The following STON2 variants were observed in gnomAD, a reference collection of about 807,000 sequenced individuals.
The protein encoded by STON2 is stonin-2.
A neutral mutation model predicts 65.7 loss-of-function variants in STON2; 29 were observed. That is an observed-to-expected ratio of 0.44 (90% CI 0.33 to 0.60). STON2 has a LOEUF of 0.60. STON2 is among the 20% of genes least tolerant of loss of function. The pLI is 0.03. For missense variants in STON2, 1,054 were observed against 1,118.1 expected, an observed-to-expected ratio of 0.94 and a Z score of 0.82; for synonymous variants, 404 against 414.2, an observed-to-expected ratio of 0.98 and a Z score of 0.30.
At chr14:81,330,258 T>C (rs948632859) in intron 4 of STON2, among the ~76,000 whole-genome samples, 6 of 152,014 alleles carry the variant, frequency 3.9e-5, no homozygotes, top group African/African-American at 1.4e-4. Context: ...ATGTGAGAGG[T>C]GCTGGTCTGG....
In STON2 at chr14:81,263,883, T is replaced by C; in HGVS notation, c.*4531A>G. 2.0e-6 allele frequency: 2 copies of C among 985,398 alleles called. No individual in the cohort carries two copies. Among genetic ancestry groups the C allele is most frequent in the Non-Finnish European group, 2.4e-6 (2 of 829,940 alleles). 61.0% of individuals were successfully genotyped at this position (985,398 alleles called of 1,614,324 possible). ...TGTTTTCCCACCACTAAACTTATGGTGAAATATATATCACCTCTGAAATCA... is the reference window on the plus strand; with the variant it reads ...TGTTTTCCCACCACTAAACTTATGGCGAAATATATATCACCTCTGAAATCA... On this transcript the variant is annotated 3_prime_UTR_variant, in exon 8 of 8. Coordinates refer to ENST00000614646, the MANE Select transcript of STON2 (RefSeq NM_001394390.1).
intron 5 of STON2, among the ~76,000 whole-genome samples, chr14:81,304,780 T>C (rs1048105038): frequency 6.6e-6 from 1 of 152,186 alleles, no homozygotes; most frequent in African/African-American, 2.4e-5. Flanking sequence ...AACCCAGGCA[T>C]TGTTACTTTA....
chr14:81,325,179 C>T (rs1340562640), intron 4 of STON2, among the ~76,000 whole-genome samples: 1 of 152,184 alleles, frequency 6.6e-6, no homozygotes. Flanking sequence ...GGCTAGATAC[C>T]TTTCCTTAAA....
intron 5 of STON2, among the ~76,000 whole-genome samples, chr14:81,290,983 C>G (rs999452187): frequency 2.0e-5 from 3 of 152,054 alleles, no homozygotes; most frequent in Non-Finnish European, 2.9e-5. Context: ...TTAGCTCTCA[C>G]AGGAAGAATA....
At chr14:81,331,747 G>A (rs1459602461) in intron 4 of STON2, among the ~76,000 whole-genome samples, 2 of 152,206 alleles carry the variant, frequency 1.3e-5, no homozygotes, top group Admixed American at 6.5e-5. Flanking sequence ...TCTCCATGCA[G>A]AGCAGCTAAT....
At chr14:81,290,842 G>A (rs1046523034) in intron 5 of STON2, among the ~76,000 whole-genome samples, 4 of 152,170 alleles carry the variant, frequency 2.6e-5, no homozygotes, top group African/African-American at 9.7e-5. Context: ...CAAGATCAAA[G>A]GGGACATCCT....
In STON2 at chr14:81,387,949, C is replaced by CTTTT. The variant is rs369887955; in HGVS notation, c.373+7941_373+7944dup. 6.8e-5 allele frequency among the ~76,000 whole-genome samples: 7 copies of CTTTT among 102,774 alleles called. 1 individual carries two copies. Among genetic ancestry groups the CTTTT allele is most frequent in the African/African-American group, 1.3e-4 (3 of 23,336 alleles). The allele number at this position is 102,774 out of a possible 152,430, so 67.4% of individuals were successfully genotyped here. A position where few individuals can be genotyped will look rare whatever the true frequency, so the allele number is the denominator to read the frequency against. On this transcript the variant is annotated intron_variant, in intron 3 of 7. Coordinates refer to ENST00000614646, the MANE Select transcript of STON2 (RefSeq NM_001394390.1). ...TTTTAATCATATTTTTATTTCTTTT[C>CTTTT]TTTTTTTTTTTTTTTTTTGAGATGG...
Position 81,373,175 on chromosome 14 carries a change from T to C in STON2, c.374-1990A>G, listed in dbSNP as rs1899082015. ...TATTATGTTCACTTCTATACCCCCA[T>C]TCCTGGAATAGTGCCTGGTATAAGG... On this transcript the variant is annotated intron_variant, in intron 3 of 7. Coordinates refer to ENST00000614646, the MANE Select transcript of STON2 (RefSeq NM_001394390.1). Among the ~76,000 whole-genome samples, 3 of 152,130 alleles carry C rather than the reference T, an allele frequency of 2.0e-5. 1 individual carries two copies. In the South Asian group the frequency reaches 6.2e-4, roughly 31 times the overall value.
chr14:81,322,544 A>C (rs967498233), intron 5 of STON2, among the ~76,000 whole-genome samples: 6 of 152,180 alleles, frequency 3.9e-5, no homozygotes, highest in Non-Finnish European at 5.9e-5. Flanking sequence ...AGGGGAAACT[A>C]GAGCCGCAAA....
chr14:81,405,122 A>AT (rs1216302489), upstream of STON2, among the ~76,000 whole-genome samples: 1 of 152,002 alleles, frequency 6.6e-6, no homozygotes, highest in Non-Finnish European at 1.5e-5. Flanking sequence ...CTGTATGTCC[A>AT]TTTTTTCATT....
intron 5 of STON2, among the ~76,000 whole-genome samples, chr14:81,315,610 G>A (rs1298269608): frequency 6.6e-6 from 1 of 152,248 alleles, no homozygotes; most frequent in Non-Finnish European, 1.5e-5. Context: ...AATCCCTCCT[G>A]CTCCCGCAGA....
At position 81,277,476 on chromosome 14, in the gene STON2, C is replaced by T. The variant is rs767411229; in HGVS notation, c.2006G>A (p.Arg669His). The change falls in exon 6 of 8, where the codon CGC (arginine) becomes CAC (histidine). Residue 669 changes from arginine to histidine, a missense_variant. Transcript: ENST00000614646. Reference protein sequence around the residue: ...LSFLSGLAECRLGLNDILVKG... With the variant: ...LSFLSGLAECHLGLNDILVKG... The stretch of plus-strand genomic sequence containing the variant: ...GACGAGGATGTCATTGAGGCCCAGG[C>T]GGCACTCTGCGAGCCCAGACAGGAA... The T allele has an allele frequency of 1.1e-5, 18 of 1,614,098 alleles. No homozygotes were observed. The Admixed American group carries it at 1.3e-4, about 12-fold the overall frequency.
chr14:81,293,022 G>A (rs762532981), intron 5 of STON2, among the ~76,000 whole-genome samples: 3 of 152,126 alleles, frequency 2.0e-5, no homozygotes, highest in Non-Finnish European at 4.4e-5. Context: ...GTCAACCAAG[G>A]TGCACCATCC....
At chr14:81,382,639 G>A (rs1435562457) in intron 3 of STON2, among the ~76,000 whole-genome samples, 4 of 152,132 alleles carry the variant, frequency 2.6e-5, no homozygotes, top group Admixed American at 6.5e-5. Context: ...TTATTAAACT[G>A]GGTGATGGGT....
At chr14:81,406,338 G>A (rs1900859988) in intron 2 of STON2, among the ~76,000 whole-genome samples, 1 of 152,154 alleles carries the variant, frequency 6.6e-6, no homozygotes, top group Admixed American at 6.5e-5. Context: ...GTAGCTTAAA[G>A]TAAATCTTAC....
chr14:81,392,660 A>G (rs986569348), intron 3 of STON2, among the ~76,000 whole-genome samples: 12 of 152,188 alleles, frequency 7.9e-5, no homozygotes, highest in Non-Finnish European at 1.6e-4. Flanking sequence ...AAATAACTTT[A>G]ATTTTTAAAC....
chr14:81,311,689 G>A (rs1045046676), intron 5 of STON2, among the ~76,000 whole-genome samples: 1 of 152,174 alleles, frequency 6.6e-6, no homozygotes, highest in African/African-American at 2.4e-5. Flanking sequence ...TGAAAAGAAA[G>A]GGATTTGCTT....
At chr14:81,365,691 G>A (rs1446778386) in intron 4 of STON2, among the ~76,000 whole-genome samples, 1 of 152,160 alleles carries the variant, frequency 6.6e-6, no homozygotes, top group African/African-American at 2.4e-5. Context: ...GGAAGGTGGA[G>A]GTTGCAGTGA....
intron 2 of STON2, among the ~76,000 whole-genome samples, chr14:81,420,225 G>A (rs1464656533): frequency 1.3e-5 from 2 of 152,230 alleles, no homozygotes; most frequent in East Asian, 3.8e-4. Context: ...GACAGGTAGG[G>A]CTAAGAGGGT....
Sources: gnomAD v4.1 joint callset for allele counts (sites outside exome capture counted in the v4.1 genomes callset) on GRCh38, gnomAD v4.1.1 for gene constraint, MANE v1.5 for transcripts, NCBI Gene and HGNC (gene_info 2026-07-23, HGNC 2026-07-21) for gene names.